Variants in HCK observed in about 807,000 individuals in gnomAD.
HCK encodes the protein tyrosine-protein kinase HCK.
In HCK, 40 loss-of-function variants were observed where a neutral mutation model predicts 70.4. The ratio of observed to expected loss-of-function variants is 0.57; its 90% CI spans 0.44 to 0.74. The LOEUF (loss-of-function observed/expected upper bound fraction) is 0.74. Ranked by LOEUF, HCK falls within the 30% of genes least tolerant of loss-of-function variation. The pLI, the probability that HCK is intolerant of heterozygous loss-of-function variation, is 0.00. For synonymous variants in HCK, 245 were observed against 263.2 expected, an observed-to-expected ratio of 0.93 and a Z score of 0.67; for missense variants, 568 against 697.2, an observed-to-expected ratio of 0.81 and a Z score of 2.09.
intron 3 of HCK, 106 bp from the exon 4 acceptor site, chr20:32,073,610 C>T (rs2045575716): frequency 1.4e-6 from 1 of 732,094 alleles, no homozygotes; most frequent in Non-Finnish European, 2.3e-6. Context: ...ATACTTGGAA[C>T]CACATATCGA....
intron 5 of HCK, among the ~76,000 whole-genome samples, chr20:32,075,343 A>C (rs760643361): frequency 6.6e-6 from 1 of 151,988 alleles, no homozygotes; most frequent in Non-Finnish European, 1.5e-5. Flanking sequence ...ACAAGTGCGC[A>C]TCACCATGCC....
At chr20:32,052,805 T>TGGGGGG (rs776706589) in intron 1 of HCK, among the ~76,000 whole-genome samples, 3 of 133,564 alleles carry the variant, frequency 2.2e-5, no homozygotes, top group Admixed American at 7.3e-5. Context: ...GGATTTTTTT[T>TGGGGGG]TTAATTTAAA....
intron 10 of HCK, 100 bp downstream of exon 10, chr20:32,088,744 T>A: frequency 1.2e-6 from 1 of 838,648 alleles, no homozygotes; most frequent in East Asian, 2.4e-5. Context: ...GCAGTAATAA[T>A]AATGGGTAAA....
chr20:32,098,243 G>C (rs1340970408), intron 11 of HCK, among the ~76,000 whole-genome samples: 1 of 151,934 alleles, frequency 6.6e-6, no homozygotes, highest in Non-Finnish European at 1.5e-5. Flanking sequence ...AGTTGGCCAG[G>C]CTGGTCTCGA....
intron 6 of HCK, among the ~76,000 whole-genome samples, chr20:32,082,637 G>GAC (rs200576977): frequency 8.6e-5 from 13 of 151,902 alleles, no homozygotes; most frequent in East Asian, 1.9e-4. Flanking sequence ...GCGAGACTCT[G>GAC]ACACACACAC....
At chr20:32,086,476 A>G in intron 8 of HCK, 152 bp from the exon 9 acceptor site, 1 of 636,092 alleles carries the variant, frequency 1.6e-6, no homozygotes. Flanking sequence ...CAGTTGTCTG[A>G]GGCCTAAGCC....
At chr20:32,055,226 G>A (rs1253988954) in intron 1 of HCK, among the ~76,000 whole-genome samples, 1 of 152,132 alleles carries the variant, frequency 6.6e-6, no homozygotes, top group African/African-American at 2.4e-5. Context: ...GGGACTCTGG[G>A]GCAGAGAAGA....
intron 1 of HCK, among the ~76,000 whole-genome samples, chr20:32,066,440 T>G (rs1252833527): frequency 6.7e-6 from 1 of 149,258 alleles, no homozygotes; most frequent in African/African-American, 2.5e-5. Context: ...GCCTCCCAAG[T>G]AGCTGGGATT....
chr20:32,065,586 C>T (rs2045443587), intron 1 of HCK, among the ~76,000 whole-genome samples: 1 of 152,178 alleles, frequency 6.6e-6, no homozygotes, highest in African/African-American at 2.4e-5. Flanking sequence ...CCAAGAACTC[C>T]AGGTTCCTAC....
At chr20:32,070,475 C>G (rs570921197) in intron 1 of HCK, among the ~76,000 whole-genome samples, 1 of 152,164 alleles carries the variant, frequency 6.6e-6, no homozygotes, top group African/African-American at 2.4e-5. Context: ...AGCCTCAGGG[C>G]CTTTGCATTT....
At chr20:32,094,963 G>C (rs1600746223) in intron 11 of HCK, among the ~76,000 whole-genome samples, 2 of 152,062 alleles carry the variant, frequency 1.3e-5, no homozygotes, top group Admixed American at 6.6e-5. Context: ...GATGCCACTT[G>C]GTTTCGTTTT....
chr20:32,086,952 A>C (rs1377947561), intron 9 of HCK, 145 bp downstream of exon 9: 1 of 694,098 alleles, frequency 1.4e-6, no homozygotes. Flanking sequence ...TGAGAATCTA[A>C]TGTGGAACAA....
intron 2 of HCK, chr20:32,072,059 T>C (rs1009394320): frequency 4.5e-6 from 2 of 442,008 alleles, no homozygotes; most frequent in Non-Finnish European, 8.1e-6. Context: ...GCCTCCGGCC[T>C]GGGCAGAAGC....
chr20:32,052,726 G>A (rs928345814), intron 1 of HCK, among the ~76,000 whole-genome samples: 1 of 151,452 alleles, frequency 6.6e-6, no homozygotes, highest in Non-Finnish European at 1.5e-5. Flanking sequence ...GGGGACGCTC[G>A]GGCCCGTGCA....
chr20:32,099,165 TA>T, intron 12 of HCK, 30 bp downstream of exon 12: 1 of 1,608,782 alleles, frequency 6.2e-7, no homozygotes, highest in East Asian at 2.2e-5. Flanking sequence ...TCAGGGCTGC[TA>T]CCAGGGCCCA....
At chr20:32,083,800 T>G in intron 6 of HCK, 94 bp from the exon 7 acceptor site, 1 of 1,456,802 alleles carries the variant, frequency 6.9e-7, no homozygotes, top group Non-Finnish European at 9.6e-7. Flanking sequence ...GTCAGGACGG[T>G]GCCAGCGGTA....
chr20:32,053,531 G>A (rs766674230), intron 1 of HCK, among the ~76,000 whole-genome samples: 2 of 151,080 alleles, frequency 1.3e-5, no homozygotes, highest in Non-Finnish European at 2.9e-5. Context: ...CCAGCTACTC[G>A]GGAGGCTGAG....
chr20:32,059,691 A>T (rs1484413206), intron 1 of HCK, among the ~76,000 whole-genome samples: 2 of 151,820 alleles, frequency 1.3e-5, no homozygotes, highest in Non-Finnish European at 2.9e-5. Context: ...ATAAAAAAAA[A>T]TTCTGGTAGA....
rs755143804 is a variant in HCK, at chr20:32,079,857, G to C, written c.512G>C (p.Arg171Pro). The stretch of plus-strand genomic sequence containing the variant: ...AACATGCTGGGCTCCTTCATGATCC[G>C]GGATAGCGAGACCACTAAAGGTGAC... The change falls in exon 6 of 13, where the codon CGG becomes CCG. Residue 171 changes from arginine to proline, a missense_variant. Arg to Pro is a moderately radical substitution (Grantham distance 103, BLOSUM62 -2). Coordinates refer to ENST00000375852, the MANE Select transcript of HCK (RefSeq NM_002110.5). 1.9e-6 allele frequency: 3 copies of C among 1,613,428 alleles called. No homozygotes were observed. Among genetic ancestry groups the C allele is most frequent in the Non-Finnish European group, 8.5e-7 (1 of 1,179,422 alleles).
Sources: allele counts gnomAD v4.1 joint callset (sites outside exome capture counted in the v4.1 genomes callset), GRCh38; gene constraint gnomAD v4.1.1; transcripts MANE v1.5; gene names NCBI Gene and HGNC (gene_info 2026-07-23, HGNC 2026-07-21).